Variants in TSNARE1 observed in about 807,000 individuals in gnomAD.
The protein encoded by TSNARE1 is t-SNARE domain-containing protein 1.
TSNARE1 carries 49 observed loss-of-function variants against 62.0 expected under a neutral mutation model. That is an observed-to-expected ratio of 0.79 (90% CI 0.63 to 1.00). The LOEUF (loss-of-function observed/expected upper bound fraction) is 1.00, where lower values mean the gene tolerates loss of function less well. Ranked by LOEUF, TSNARE1 falls within the 50% of genes least tolerant of loss-of-function variation. The probability of loss-of-function intolerance (pLI) is 0.00; values close to 1 mark genes in which losing one functional copy is unlikely to be tolerated. For synonymous variants in TSNARE1, 328 were observed against 294.4 expected, an observed-to-expected ratio of 1.11 and a Z score of -1.17; for missense variants, 755 against 700.1, an observed-to-expected ratio of 1.08 and a Z score of -0.88.
At chr8:142,324,596 C>T (rs1440619068) in intron 6 of TSNARE1, among the ~76,000 whole-genome samples, 5 of 152,246 alleles carry the variant, frequency 3.3e-5, no homozygotes, top group Non-Finnish European at 5.9e-5. Flanking sequence ...TCATGTCCCG[C>T]GTATCTCATA....
chr8:142,254,375 A>G (rs951856129), intron 12 of TSNARE1, among the ~76,000 whole-genome samples: 3 of 152,128 alleles, frequency 2.0e-5, no homozygotes, highest in African/African-American at 7.2e-5. Context: ...CCCATCTACC[A>G]GCTCAGAGGA....
At chr8:142,265,814 T>G (rs928688829) in intron 12 of TSNARE1, among the ~76,000 whole-genome samples, 14 of 152,228 alleles carry the variant, frequency 9.2e-5, no homozygotes, top group African/African-American at 3.1e-4. Flanking sequence ...ATTTCCCTCA[T>G]GGCTACTGCT....
At chr8:142,375,715 C>G (rs1836277635) in intron 1 of TSNARE1, among the ~76,000 whole-genome samples, 1 of 152,242 alleles carries the variant, frequency 6.6e-6, no homozygotes, top group African/African-American at 2.4e-5. Context: ...GCCACCAGCA[C>G]TCAGCTGCTG....
intron 10 of TSNARE1, among the ~76,000 whole-genome samples, chr8:142,298,015 T>C (rs1825057701): frequency 6.6e-6 from 1 of 152,140 alleles, no homozygotes; most frequent in Non-Finnish European, 1.5e-5. Context: ...CCATGGGGCC[T>C]GCCCACTCTG....
At chr8:142,278,147 C>T (rs1820800443) in intron 11 of TSNARE1, 1 of 985,228 alleles carries the variant, frequency 1.0e-6, no homozygotes, top group Admixed American at 6.1e-5. Flanking sequence ...CACCACAAGG[C>T]CTAGTGCCCA....
chr8:142,256,178 TCACCAC>T (rs1460483977), intron 12 of TSNARE1, among the ~76,000 whole-genome samples: 3 of 47,842 alleles, frequency 6.3e-5, no homozygotes, highest in Admixed American at 2.1e-4. Context: ...ACCATCACCA[TCACCAC>T]CACCATCATC....
intron 10 of TSNARE1, among the ~76,000 whole-genome samples, chr8:142,287,573 C>T (rs577059559): frequency 2.9e-5 from 4 of 137,842 alleles, no homozygotes; most frequent in South Asian, 2.5e-4. Context: ...CCCAGGACCC[C>T]GGCCAGATCT....
upstream of TSNARE1, among the ~76,000 whole-genome samples, chr8:142,403,455 C>T (rs973389321): frequency 1.3e-5 from 2 of 152,048 alleles, no homozygotes; most frequent in South Asian, 2.1e-4. Flanking sequence ...GGCGGCGGCC[C>T]GGCGCTGAGG....
In TSNARE1 at chr8:142,291,977, C is replaced by A. The variant is rs1025995521; in HGVS notation, c.1291-7492G>T. ...GCAACGCACGCCCCCCCCGGCCCCC[C>A]ACCTGTTTCAAGCAGAATGTGATAG... On this transcript the variant is annotated intron_variant, in intron 10 of 13. Transcript: ENST00000524325. This position sits in a 1 kb window ranked among gnomAD's most constrained non-coding sequence, Gnocchi z 4.8. 2.0e-5 allele frequency among the ~76,000 whole-genome samples: 3 copies of A among 151,872 alleles called. No individual in the cohort carries two copies. The highest frequency in any genetic ancestry group is 4.4e-5 in the Non-Finnish European group (3 of 67,990).
intron 1 of TSNARE1, among the ~76,000 whole-genome samples, chr8:142,364,477 G>C (rs1293989476): frequency 1.3e-5 from 2 of 152,314 alleles, no homozygotes; most frequent in East Asian, 3.9e-4. Flanking sequence ...TGTCCACTGA[G>C]AGGGCTGAGA....
intron 1 of TSNARE1, among the ~76,000 whole-genome samples, chr8:142,366,239 T>A (rs1835541357): frequency 6.6e-6 from 1 of 152,130 alleles, no homozygotes; most frequent in Non-Finnish European, 1.5e-5. Context: ...GGTTTCACCA[T>A]GTTAGCCAAG....
intron 1 of TSNARE1, among the ~76,000 whole-genome samples, chr8:142,381,662 C>T (rs1306105053): frequency 2.0e-5 from 3 of 152,166 alleles, no homozygotes; most frequent in Non-Finnish European, 4.4e-5. Context: ...CACACCTAAA[C>T]GAGGAGGAGC....
chr8:142,214,788 C>T (rs912381841), intron 13 of TSNARE1, among the ~76,000 whole-genome samples: 2 of 152,218 alleles, frequency 1.3e-5, no homozygotes, highest in Admixed American at 6.5e-5. Flanking sequence ...GCCCTCCCTC[C>T]GCCACGTGAG....
At chr8:142,302,536 C>G (rs1210923864) in intron 9 of TSNARE1, among the ~76,000 whole-genome samples, 2 of 152,164 alleles carry the variant, frequency 1.3e-5, no homozygotes, top group Non-Finnish European at 2.9e-5. Context: ...GACTCAGCCA[C>G]AGGCCCCCTC....
At chr8:142,223,051 TTCAC>T (rs1306144431) in intron 13 of TSNARE1, among the ~76,000 whole-genome samples, 1 of 107,856 alleles carries the variant, frequency 9.3e-6, no homozygotes, top group South Asian at 3.4e-4. Flanking sequence ...CACTCACTCA[TTCAC>T]TCATTCACTT....
chr8:142,315,137 G>A (rs374864494), intron 7 of TSNARE1, 45 bp from the exon 8 acceptor site: 4 of 1,596,498 alleles, frequency 2.5e-6, no homozygotes, highest in Non-Finnish European at 3.4e-6. Flanking sequence ...GCTTGGCCCT[G>A]CCCCAGCAGC....
At chr8:142,293,485 T>C (rs984699494) in intron 10 of TSNARE1, among the ~76,000 whole-genome samples, 3 of 152,240 alleles carry the variant, frequency 2.0e-5, no homozygotes, top group African/African-American at 7.2e-5. Flanking sequence ...CTGGTGTCAT[T>C]GTGCCCATTT....
chr8:142,265,539 A>G (rs1242514340), intron 12 of TSNARE1, among the ~76,000 whole-genome samples: 1 of 152,256 alleles, frequency 6.6e-6, no homozygotes, highest in Non-Finnish European at 1.5e-5. Flanking sequence ...CATGGCAGAT[A>G]AAGACACGAT....
chr8:142,345,344 A>G (rs1758963850), intron 3 of TSNARE1, among the ~76,000 whole-genome samples: 1 of 152,162 alleles, frequency 6.6e-6, no homozygotes, highest in Non-Finnish European at 1.5e-5. Flanking sequence ...GCCCACCAGG[A>G]TACCTGCAGA....
Sources: gnomAD v4.1 joint callset for allele counts (sites outside exome capture counted in the v4.1 genomes callset) on GRCh38, gnomAD v4.1.1 for gene constraint, Gnocchi (gnomAD v3.1) non-coding constraint, MANE v1.5 for transcripts, NCBI Gene and HGNC (gene_info 2026-07-23, HGNC 2026-07-21) for gene names.